The following TMEM26 variants were observed in gnomAD, a reference collection of about 807,000 sequenced individuals.
The protein encoded by TMEM26 is transmembrane protein 26.
Under a neutral mutation model 28.8 loss-of-function variants are expected in TMEM26, and 38 were observed. The ratio of observed to expected loss-of-function variants is 1.32; its 90% confidence interval spans 1.02 to 1.73. The LOEUF (loss-of-function observed/expected upper bound fraction) is 1.73, where lower values mean the gene tolerates loss of function less well. TMEM26 is among the 40% of genes most tolerant of loss of function. The pLI, the probability that TMEM26 is intolerant of heterozygous loss-of-function variation, is 0.00. For synonymous variants in TMEM26, 227 were observed against 182.9 expected (o/e 1.24, Z -1.95); for missense variants, 518 against 447.1 (o/e 1.16, Z -1.43).
intron 1 of TMEM26, among the ~76,000 whole-genome samples, chr10:61,445,816 T>C (rs1341302480): frequency 1.3e-5 from 2 of 152,162 alleles, no homozygotes; most frequent in Non-Finnish European, 2.9e-5. Flanking sequence ...TAAACCTTGA[T>C]GTAAATGTGA....
In TMEM26 at chr10:61,409,622, G is replaced by C. The variant is rs948392566; in HGVS notation, c.*700C>G. ...TGCTAGCATTTCACCAATATTTCCT[G>C]CCTTGCAACCAGTAGATATGTAACC... On this transcript the variant is annotated 3_prime_UTR_variant, in exon 6 of 6. Transcript: ENST00000399298. The C allele has an allele frequency of 7.9e-5, 12 of 152,200 alleles. No individual in the cohort carries two copies. Among genetic ancestry groups the C allele is most frequent in the African/African-American group, 2.9e-4 (12 of 41,434 alleles). 9.4% of individuals were successfully genotyped at this position (152,200 alleles called of 1,614,324 possible).
At chr10:61,429,239 T>C (rs995988202) in intron 3 of TMEM26, 93 bp from the exon 4 acceptor site, 6 of 1,046,020 alleles carry the variant, frequency 5.7e-6, no homozygotes, top group Non-Finnish European at 8.5e-6. Flanking sequence ...AGAGTTTGCT[T>C]TTGTAGAGAG....
At chr10:61,429,436 T>C (rs1224431349) in intron 3 of TMEM26, among the ~76,000 whole-genome samples, 1 of 152,064 alleles carries the variant, frequency 6.6e-6, no homozygotes, top group Non-Finnish European at 1.5e-5. Context: ...TTTTACAATG[T>C]TTTAATGTCT....
chr10:61,439,122 G>A (rs1840052110), intron 1 of TMEM26, among the ~76,000 whole-genome samples: 2 of 152,150 alleles, frequency 1.3e-5, no homozygotes, highest in South Asian at 4.1e-4. Flanking sequence ...AATTATGAAA[G>A]CTTATTTTGG....
rs145684622 is a variant in TMEM26, at chr10:61,436,370, C to T, written c.192-122G>A. 1.1e-3 allele frequency: 573 copies of T among 544,982 alleles called. 4 individuals carry two copies. Among genetic ancestry groups the T allele is most frequent in the African/African-American group, 0.01 (539 of 52,038 alleles). The allele number at this position is 544,982 out of a possible 1,614,324, so 33.8% of individuals were successfully genotyped here. A position where few individuals can be genotyped will look rare whatever the true frequency, so the allele number is the denominator to read the frequency against. ...CCGACCACATTGAGTCAAACCTTTT[C>T]GTATAACTTCAAAGTGTTTATTTCA... On this transcript the variant is annotated intron_variant, in intron 1 of 5. Transcript: ENST00000399298.
intron 3 of TMEM26, 41 bp from the exon 4 acceptor site, chr10:61,429,187 C>G (rs1443281129): frequency 6.6e-7 from 1 of 1,521,818 alleles, no homozygotes; most frequent in Non-Finnish European, 9.1e-7. Flanking sequence ...TTATCAGCCA[C>G]CACCTGAGAG....
At chr10:61,411,114 C>T (rs984997492) in intron 5 of TMEM26, among the ~76,000 whole-genome samples, 3 of 152,166 alleles carry the variant, frequency 2.0e-5, no homozygotes, top group African/African-American at 4.8e-5. Flanking sequence ...CATTGTGATT[C>T]TGGGGTCCAC....
chr10:61,444,558 C>A (rs879567855), intron 1 of TMEM26, among the ~76,000 whole-genome samples: 1 of 151,252 alleles, frequency 6.6e-6, no homozygotes, highest in East Asian at 2.0e-4. Flanking sequence ...GAGCCAGACA[C>A]TCTTGTATGT....
chr10:61,428,100 C>T (rs1281207978), intron 4 of TMEM26, among the ~76,000 whole-genome samples: 2 of 152,036 alleles, frequency 1.3e-5, no homozygotes, highest in East Asian at 1.9e-4. Flanking sequence ...TAGTGTATTT[C>T]GTTGAGCTTT....
At position 61,410,497 on chromosome 10, in the gene TMEM26, A is replaced by G. The variant is rs1302515418; in HGVS notation, c.932T>C (p.Val311Ala). ...TGACTGACTTCTCAACGAAGCACGG[A>G]CTGCCAATGCCAGCACCACCAAGCG... is the stretch of plus-strand genomic sequence containing the variant. ...LYRLVVLALA[V>A]RASLRSQSEG... The change falls in exon 6 of 6, where the codon GTC becomes GCC. Residue 311 changes from valine (V) to alanine (A), a missense_variant. Physicochemically the swap from Val to Ala is moderately conservative, Grantham distance 64 (BLOSUM62 0). Transcript: ENST00000399298. The G allele has an allele frequency of 1.9e-6, 3 of 1,614,124 alleles. No individual in the cohort carries two copies. Among genetic ancestry groups the G allele is most frequent in the South Asian group, 2.2e-5 (2 of 91,072 alleles).
chr10:61,449,214 G>T (rs1840234349), intron 1 of TMEM26, among the ~76,000 whole-genome samples: 1 of 151,116 alleles, frequency 6.6e-6, no homozygotes, highest in Middle Eastern at 3.5e-3. Context: ...CATGTTGTTG[G>T]CTCACCCTCT....
intron 2 of TMEM26, among the ~76,000 whole-genome samples, chr10:61,432,490 C>A (rs1839937992): frequency 6.6e-6 from 1 of 152,054 alleles, no homozygotes; most frequent in Non-Finnish European, 1.5e-5. Context: ...GAAAATGTAG[C>A]TGTACCCAAT....
chr10:61,428,100 C>A (rs1281207978), intron 4 of TMEM26, among the ~76,000 whole-genome samples: 1 of 152,036 alleles, frequency 6.6e-6, no homozygotes, highest in African/African-American at 2.4e-5. Context: ...TAGTGTATTT[C>A]GTTGAGCTTT....
At position 61,440,388 on chromosome 10, in the gene TMEM26, G is replaced by T. The variant is rs558595543; in HGVS notation, c.192-4140C>A. Reference sequence around the variant, plus strand: ...AATTACTGTCACACTGCCATGGTTTGCATGGAGCATTTGCCCATCACTACC... The same window carrying T: ...AATTACTGTCACACTGCCATGGTTTTCATGGAGCATTTGCCCATCACTACC... On this transcript the variant is annotated intron_variant, in intron 1 of 5. Coordinates refer to ENST00000399298, the MANE Select transcript of TMEM26 (RefSeq NM_178505.8). Among the ~76,000 whole-genome samples the T allele has an allele frequency of 2.6e-5, 4 of 152,042 alleles. No homozygotes were observed. In the East Asian group the frequency reaches 7.7e-4, roughly 29 times the overall value.
chr10:61,410,112 C>G lies in TMEM26; in HGVS notation c.*210G>C, dbSNP rs753632735. The G allele has an allele frequency of 1.2e-5, 7 of 586,376 alleles. No individual in the cohort carries two copies. Among genetic ancestry groups the G allele is most frequent in the Non-Finnish European group, 2.1e-5 (7 of 332,350 alleles). The allele number at this position is 586,376 out of a possible 1,614,324, so 36.3% of individuals were successfully genotyped here. A position where few individuals can be genotyped will look rare whatever the true frequency, so the allele number is the denominator to read the frequency against. ...CGTTGAACAACTATAACATCTGATA[C>G]CATCACACAGAAGTTGTAGCAATAG... On this transcript the variant is annotated 3_prime_UTR_variant, in exon 6 of 6. Coordinates refer to ENST00000399298, the MANE Select transcript of TMEM26 (RefSeq NM_178505.8).
chr10:61,431,473 C>A, intron 2 of TMEM26, 141 bp from the exon 3 acceptor site: 3 of 535,078 alleles, frequency 5.6e-6, no homozygotes, highest in Non-Finnish European at 9.7e-6. Context: ...TTCCAAAAAT[C>A]GGAATATAGG....
At position 61,452,979 on chromosome 10, in the gene TMEM26, G is replaced by C; in HGVS notation, c.103C>G (p.Arg35Gly). Reference protein sequence around the residue: ...WRVTEVKKEPRYWLLALLNLL... With the variant: ...WRVTEVKKEPGYWLLALLNLL... Reference sequence around the variant, plus strand: ...TTGAGCAGCGCAAGCAGCCAGTACCGCGGCTCCTTCTTCACCTCGGTCACT... The same window carrying C: ...TTGAGCAGCGCAAGCAGCCAGTACCCCGGCTCCTTCTTCACCTCGGTCACT... The change falls in exon 1 of 6, where the codon CGG (arginine) becomes GGG (glycine). Residue 35 changes from arginine (R) to glycine (G), a missense_variant. Arg to Gly is a moderately radical substitution (Grantham distance 125). Transcript: ENST00000399298. 6.2e-7 allele frequency: 1 copy of C among 1,614,094 alleles called. No homozygotes were observed. Among genetic ancestry groups the C allele is most frequent in the East Asian group, 2.2e-5 (1 of 44,846 alleles).
rs925485447 is a variant in TMEM26, at chr10:61,408,695, C to A, written c.*1627G>T. On this transcript the variant is annotated 3_prime_UTR_variant, in exon 6 of 6. Coordinates refer to ENST00000399298, the MANE Select transcript of TMEM26 (RefSeq NM_178505.8). The stretch of plus-strand genomic sequence containing the variant: ...AATATAATTTCTTGATCTTAACTTT[C>A]ATAAAATTATTATGGAAAATCATAA... 6.6e-6 allele frequency: 1 copy of A among 152,172 alleles called. No homozygotes were observed. Among genetic ancestry groups the A allele is most frequent in the Non-Finnish European group, 1.5e-5 (1 of 68,038 alleles). The allele number at this position is 152,172 out of a possible 1,614,324, so 9.4% of individuals were successfully genotyped here.
intron 2 of TMEM26, among the ~76,000 whole-genome samples, chr10:61,432,845 T>C (rs1461564337): frequency 6.6e-6 from 1 of 152,124 alleles, no homozygotes; most frequent in Non-Finnish European, 1.5e-5. Flanking sequence ...CCATATTCCA[T>C]ATCTGTAGGA....
Sources: gnomAD v4.1 joint callset for allele counts (sites outside exome capture counted in the v4.1 genomes callset) on GRCh38, gnomAD v4.1.1 for gene constraint, MANE v1.5 for transcripts, NCBI Gene and HGNC (gene_info 2026-07-23, HGNC 2026-07-21) for gene names.